The following ZBTB20 variants were observed in gnomAD, a reference collection of about 807,000 sequenced individuals.
ZBTB20 encodes zinc finger and BTB domain containing 20.
In ZBTB20, 9 loss-of-function variants were observed where a neutral mutation model predicts 56.9. The observed-to-expected ratio is 0.16, with a 90% confidence interval of 0.10 to 0.28. The LOEUF (loss-of-function observed/expected upper bound fraction) is 0.28. Ranked by LOEUF, ZBTB20 falls within the 10% of genes least tolerant of loss-of-function variation. The probability of loss-of-function intolerance (pLI) is 1.00; values close to 1 mark genes in which losing one functional copy is unlikely to be tolerated. For missense variants in ZBTB20, 655 were observed against 1,003.0 expected (o/e 0.65, Z 4.69); for synonymous variants, 417 against 420.7 (o/e 0.99, Z 0.11).
intron 6 of ZBTB20, among the ~76,000 whole-genome samples, chr3:114,617,774 T>C (rs1475707327): frequency 6.6e-6 from 1 of 152,180 alleles, no homozygotes; most frequent in Non-Finnish European, 1.5e-5. Context: ...CCAAGGCCTT[T>C]GCACTTGATG....
chr3:115,046,695 G>C (rs1319776056), intron 2 of ZBTB20, among the ~76,000 whole-genome samples: 1 of 152,096 alleles, frequency 6.6e-6, no homozygotes, highest in Non-Finnish European at 1.5e-5. Flanking sequence ...TGTAGGTTAT[G>C]AAATAACTTT....
rs115717620 is a variant in ZBTB20, at chr3:114,575,625, C to T, written c.-294-75234G>A. Among the ~76,000 whole-genome samples the T allele has an allele frequency of 3.9e-3, 595 of 151,844 alleles. 6 individuals are homozygous for T. Among genetic ancestry groups the T allele is most frequent in the African/African-American group, 0.014 (581 of 41,472 alleles). On this transcript the variant is annotated intron_variant, in intron 6 of 11. Transcript: ENST00000675478. Reference sequence around the variant, plus strand: ...AAAAAATAGGAACTACTTCAAAATGCCTCTATTTAAATAGTAAACAACACG... The same window carrying T: ...AAAAAATAGGAACTACTTCAAAATGTCTCTATTTAAATAGTAAACAACACG...
At chr3:114,986,923 G>A (rs951718327) in intron 2 of ZBTB20, among the ~76,000 whole-genome samples, 11 of 152,078 alleles carry the variant, frequency 7.2e-5, no homozygotes, top group African/African-American at 1.2e-4. Flanking sequence ...TTATCAGCCC[G>A]TCTAATCATG....
At chr3:114,843,038 C>A (rs983885109) in intron 4 of ZBTB20, among the ~76,000 whole-genome samples, 1 of 152,124 alleles carries the variant, frequency 6.6e-6, no homozygotes. Context: ...GGCAGTCTCT[C>A]TCTTCTCTCT....
chr3:114,872,524 A>G (rs2076051002), intron 4 of ZBTB20, among the ~76,000 whole-genome samples: 1 of 152,042 alleles, frequency 6.6e-6, no homozygotes, highest in Non-Finnish European at 1.5e-5. Flanking sequence ...GAGAGAAAAT[A>G]CTGAGTTAAC....
intron 4 of ZBTB20, among the ~76,000 whole-genome samples, chr3:114,843,217 A>C (rs1344700028): frequency 6.6e-6 from 1 of 152,168 alleles, no homozygotes; most frequent in Admixed American, 6.5e-5. Context: ...AGCAGTGTCA[A>C]AATAGACTAA....
intron 7 of ZBTB20, among the ~76,000 whole-genome samples, chr3:114,458,153 A>T (rs1012103120): frequency 3.3e-5 from 5 of 152,096 alleles, no homozygotes; most frequent in African/African-American, 1.2e-4. Flanking sequence ...ATCTGACGGC[A>T]TTTTCAGCAC....
intron 6 of ZBTB20, among the ~76,000 whole-genome samples, chr3:114,555,840 T>C (rs1033371035): frequency 1.3e-5 from 2 of 152,086 alleles, no homozygotes; most frequent in Non-Finnish European, 2.9e-5. Flanking sequence ...AAAGTCTAGG[T>C]TGGGAAGCCA....
chr3:114,379,071 A>C (rs907189187), intron 10 of ZBTB20: 10 of 152,254 alleles, frequency 6.6e-5, no homozygotes, highest in Non-Finnish European at 1.5e-4. Flanking sequence ...GACTATCATG[A>C]TGAAGCAAGT....
At chr3:114,383,544 T>G (rs1450050673) in intron 8 of ZBTB20, 1 of 152,224 alleles carries the variant, frequency 6.6e-6, no homozygotes, top group Non-Finnish European at 1.5e-5. Flanking sequence ...GAGCTACCTC[T>G]ATAAACAGGA....
At chr3:114,431,312 T>G (rs1007839303) in intron 7 of ZBTB20, among the ~76,000 whole-genome samples, 1 of 152,018 alleles carries the variant, frequency 6.6e-6, no homozygotes, top group East Asian at 1.9e-4. Flanking sequence ...AAACCCTCAG[T>G]AGGCAGGATG....
At chr3:114,972,563 T>C (rs2077929850) in intron 3 of ZBTB20, among the ~76,000 whole-genome samples, 1 of 152,170 alleles carries the variant, frequency 6.6e-6, no homozygotes, top group South Asian at 2.1e-4. Flanking sequence ...ATTTGGTTTT[T>C]TGAGCTAGCC....
intron 6 of ZBTB20, among the ~76,000 whole-genome samples, chr3:114,607,169 A>G (rs747038299): frequency 7.9e-5 from 12 of 152,144 alleles, no homozygotes; most frequent in Non-Finnish European, 1.3e-4. Context: ...ATAATTCTCA[A>G]TTTGCAATAT....
Position 114,976,597 on chromosome 3 carries a change from G to T in ZBTB20, c.-506-2181C>A, listed in dbSNP as rs570461486. ...GCCAAGATCGCGCCACTGCCCTTCAGCCTGGGTGATAAGAGCAAAACTCCG... is the reference window on the plus strand; with the variant it reads ...GCCAAGATCGCGCCACTGCCCTTCATCCTGGGTGATAAGAGCAAAACTCCG... On this transcript the variant is annotated intron_variant, in intron 2 of 11. Coordinates refer to ENST00000675478, the MANE Select transcript of ZBTB20 (RefSeq NM_001348800.3). Among the ~76,000 whole-genome samples the T allele has an allele frequency of 5.7e-4, 86 of 150,618 alleles. No homozygotes were observed. The South Asian group carries it at 0.013, about 22-fold the overall frequency.
At position 114,715,507 on chromosome 3, in the gene ZBTB20, T is replaced by A. The variant is rs571789248; in HGVS notation, c.-342-21932A>T. Among the ~76,000 whole-genome samples the A allele has an allele frequency of 2.0e-5, 3 of 152,294 alleles. No homozygotes were observed. In the East Asian group the frequency reaches 5.8e-4, roughly 29 times the overall value. On this transcript the variant is annotated intron_variant, in intron 5 of 11. Transcript: ENST00000675478. ...GGGTAGGCAGTAAGACCCAAGTCTG[T>A]CTCCCACATTTGCTACAATAACACT...
At chr3:114,807,632 T>C (rs1304680829) in intron 4 of ZBTB20, among the ~76,000 whole-genome samples, 1 of 152,078 alleles carries the variant, frequency 6.6e-6, no homozygotes, top group Non-Finnish European at 1.5e-5. Flanking sequence ...ACATTATAAG[T>C]TCTTCATAGA....
rs2693039 is a variant in ZBTB20, at chr3:114,336,508, C to T, written c.*2497G>A. 14,964 of 152,150 alleles carry T rather than the reference C, an allele frequency of 0.098. 1,716 individuals are homozygous for T. Among genetic ancestry groups the T allele is most frequent in the African/African-American group, 0.28 (11,519 of 41,472 alleles). The allele number at this position is 152,150 out of a possible 1,614,324, so 9.4% of individuals were successfully genotyped here. A position where few individuals can be genotyped will look rare whatever the true frequency, so the allele number is the denominator to read the frequency against. On this transcript the variant is annotated 3_prime_UTR_variant, in exon 12 of 12. Coordinates refer to ENST00000675478, the MANE Select transcript of ZBTB20 (RefSeq NM_001348800.3). ...TACACTTAATAGTCAGTTAACCACCCAAGTTTACATTAAAACTTCTAGCAA... is the reference window on the plus strand; with the variant it reads ...TACACTTAATAGTCAGTTAACCACCTAAGTTTACATTAAAACTTCTAGCAA...
At chr3:114,776,551 G>A (rs903986777) in intron 5 of ZBTB20, among the ~76,000 whole-genome samples, 85 of 152,132 alleles carry the variant, frequency 5.6e-4, no homozygotes, top group African/African-American at 1.8e-3. Flanking sequence ...CTTGCTTCTC[G>A]CCCAATGATA....
At chr3:114,346,857 T>C (rs999207225) in intron 11 of ZBTB20, among the ~76,000 whole-genome samples, 1 of 151,644 alleles carries the variant, frequency 6.6e-6, no homozygotes, top group African/African-American at 2.4e-5. Flanking sequence ...GGTTAATTTT[T>C]ATAGTTTTTG....
Sources: gnomAD v4.1 joint callset for allele counts (sites outside exome capture counted in the v4.1 genomes callset) on GRCh38, gnomAD v4.1.1 for gene constraint, MANE v1.5 for transcripts, NCBI Gene and HGNC (gene_info 2026-07-23, HGNC 2026-07-21) for gene names.